ATF6: variants seen among roughly 807,000 people sequenced by gnomAD.
ATF6 encodes the protein cyclic AMP-dependent transcription factor ATF-6 alpha.
ATF6 carries 53 observed loss-of-function variants against 83.6 expected under a neutral mutation model. The ratio of observed to expected loss-of-function variants is 0.63; its 90% CI spans 0.51 to 0.80. The LOEUF (loss-of-function observed/expected upper bound fraction) is 0.80, where lower values mean the gene tolerates loss of function less well. Among genes scored for constraint, ATF6 ranks in the 30% least tolerant of loss-of-function variants. The probability of loss-of-function intolerance (pLI) is 0.00; values close to 1 mark genes in which losing one functional copy is unlikely to be tolerated. For missense variants in ATF6, 744 were observed against 797.9 expected, an observed-to-expected ratio of 0.93 and a Z score of 0.81; for synonymous variants, 288 against 285.8, an observed-to-expected ratio of 1.01 and a Z score of -0.08.
intron 14 of ATF6, among the ~76,000 whole-genome samples, chr1:161,904,041 T>A (rs1426916284): frequency 6.6e-6 from 1 of 152,198 alleles, no homozygotes; most frequent in Non-Finnish European, 1.5e-5. Context: ...AGAACTTCTG[T>A]TTTAGAAGGA....
chr1:161,932,266 T>TAG (rs1688449848), intron 15 of ATF6, among the ~76,000 whole-genome samples: 2 of 152,206 alleles, frequency 1.3e-5, no homozygotes, highest in Admixed American at 1.3e-4. Context: ...ATTGTACTTT[T>TAG]TAAGACAATA....
intron 7 of ATF6, among the ~76,000 whole-genome samples, chr1:161,812,930 G>A (rs1685511090): frequency 6.6e-6 from 1 of 151,946 alleles, no homozygotes; most frequent in African/African-American, 2.4e-5. Flanking sequence ...TTATAATTGA[G>A]TTAGGATTCA....
At chr1:161,938,286 CAAGTA>C (rs777187086) in intron 15 of ATF6, among the ~76,000 whole-genome samples, 2 of 152,156 alleles carry the variant, frequency 1.3e-5, no homozygotes, top group Non-Finnish European at 2.9e-5. Flanking sequence ...TGGCTAGTGT[CAAGTA>C]TAGATTTGCG....
intron 4 of ATF6, among the ~76,000 whole-genome samples, chr1:161,790,559 C>T (rs1684851513): frequency 6.6e-6 from 1 of 152,084 alleles, no homozygotes; most frequent in South Asian, 2.1e-4. Context: ...CCTGTAATCC[C>T]AGCACGTTGG....
intron 15 of ATF6, among the ~76,000 whole-genome samples, chr1:161,928,894 C>T (rs537752130): frequency 6.6e-6 from 1 of 152,276 alleles, no homozygotes; most frequent in Non-Finnish European, 1.5e-5. Context: ...TCTTCCGCCC[C>T]CTATTCTGTG....
At chr1:161,835,478 G>A (rs909880932) in intron 9 of ATF6, among the ~76,000 whole-genome samples, 2 of 152,200 alleles carry the variant, frequency 1.3e-5, no homozygotes, top group Non-Finnish European at 2.9e-5. Context: ...TCTGAAGTAT[G>A]TCTAGGGTTG....
intron 14 of ATF6, among the ~76,000 whole-genome samples, chr1:161,895,517 A>C (rs1687654259): frequency 6.6e-6 from 1 of 152,250 alleles, no homozygotes; most frequent in African/African-American, 2.4e-5. Flanking sequence ...TAACAGATAC[A>C]TCCATTCCCC....
intron 10 of ATF6, among the ~76,000 whole-genome samples, chr1:161,846,856 TATA>T (rs1307525672): frequency 2.6e-5 from 4 of 151,808 alleles, no homozygotes. Context: ...ACATATTATA[TATA>T]ATGTCTTTAA....
intron 14 of ATF6, among the ~76,000 whole-genome samples, chr1:161,887,269 G>A (rs1220702560): frequency 1.3e-5 from 2 of 151,572 alleles, no homozygotes; most frequent in Non-Finnish European, 2.9e-5. Context: ...TAGTAGAGAC[G>A]GGGTTTCACC....
chr1:161,868,837 A>G (rs890942934), intron 14 of ATF6, among the ~76,000 whole-genome samples: 2 of 152,100 alleles, frequency 1.3e-5, no homozygotes, highest in Non-Finnish European at 2.9e-5. Flanking sequence ...TCTAAGCTGT[A>G]GAGCTAAATA....
chr1:161,781,539 C>T (rs1253448091), intron 2 of ATF6, among the ~76,000 whole-genome samples: 1 of 152,120 alleles, frequency 6.6e-6, no homozygotes, highest in East Asian at 1.9e-4. Flanking sequence ...TTATGAATAG[C>T]ATTTACTTTG....
In ATF6 at chr1:161,821,010, C is replaced by T. The variant is rs552323571; in HGVS notation, c.1096-60C>T. 3.7e-5 allele frequency: 43 copies of T among 1,169,906 alleles called. No individual in the cohort carries two copies. In the African/African-American group the frequency reaches 5.5e-4, roughly 15 times the overall value. 72.5% of individuals were successfully genotyped at this position (1,169,906 alleles called of 1,614,324 possible). ...TAAAGAGGAAAATTCTAATCTTAAG[C>T]GTTGCTTTTTCTGAAATCGATGTTA... On this transcript the variant is annotated intron_variant, in intron 8 of 15. Transcript: ENST00000367942.
At position 161,959,758 on chromosome 1, in the gene ATF6, C is replaced by T. The variant is rs1207076701; in HGVS notation, c.*1104C>T. On this transcript the variant is annotated 3_prime_UTR_variant, in exon 16 of 16. Coordinates refer to ENST00000367942, the MANE Select transcript of ATF6 (RefSeq NM_007348.4). ...CCACAACTATTGTTTATTTTGGGGA[C>T]TCTAGGCCACCAAGTATTAGCACAC... is the stretch of plus-strand genomic sequence containing the variant. 6.6e-6 allele frequency: 1 copy of T among 151,274 alleles called. No individual in the cohort carries two copies. The highest frequency in any genetic ancestry group is 1.5e-5 in the Non-Finnish European group (1 of 67,878). 9.4% of individuals were successfully genotyped at this position (151,274 alleles called of 1,614,324 possible). A position where few individuals can be genotyped will look rare whatever the true frequency, so the allele number is the denominator to read the frequency against.
chr1:161,824,107 G>A (rs1037225468), intron 9 of ATF6, among the ~76,000 whole-genome samples: 16 of 151,990 alleles, frequency 1.1e-4, no homozygotes, highest in African/African-American at 3.6e-4. Flanking sequence ...CCATTTTCTC[G>A]CATTTCCTAA....
At chr1:161,816,328 G>A (rs1685612159) in intron 7 of ATF6, among the ~76,000 whole-genome samples, 1 of 152,200 alleles carries the variant, frequency 6.6e-6, no homozygotes, top group Non-Finnish European at 1.5e-5. Context: ...TCAGAGTATT[G>A]ATTTTATGTT....
chr1:161,792,728 C>T (rs1684911960), intron 6 of ATF6, among the ~76,000 whole-genome samples: 1 of 152,204 alleles, frequency 6.6e-6, no homozygotes, highest in South Asian at 2.1e-4. Flanking sequence ...AATAGAATCA[C>T]ACCCTTAATC....
intron 10 of ATF6, among the ~76,000 whole-genome samples, chr1:161,851,233 A>AACACACACACACAC (rs60202873): frequency 1.2e-3 from 92 of 75,482 alleles, no homozygotes; most frequent in East Asian, 4.0e-3. Flanking sequence ...CCCTATCCTT[A>AACACACACACACAC]ACACACACAC....
chr1:161,936,994 C>G lies in ATF6; in HGVS notation c.1805-21452C>G, dbSNP rs55652256. On this transcript the variant is annotated intron_variant, in intron 15 of 15. Transcript: ENST00000367942. ...CCCATATCTAATCCCTCAGCAAACT[C>G]TACTTCACAATGCATCCTGAGTCAT... 3.3e-5 allele frequency among the ~76,000 whole-genome samples: 5 copies of G among 152,214 alleles called. No individual in the cohort carries two copies. The South Asian group carries it at 8.3e-4, about 25-fold the overall frequency.
intron 15 of ATF6, among the ~76,000 whole-genome samples, chr1:161,917,110 C>A (rs552673732): frequency 6.6e-6 from 1 of 152,294 alleles, no homozygotes; most frequent in South Asian, 2.1e-4. Context: ...GTGTAGGAAA[C>A]CTTGAAAGAT....
Sources: gnomAD v4.1 joint callset for allele counts (sites outside exome capture counted in the v4.1 genomes callset) on GRCh38, gnomAD v4.1.1 for gene constraint, MANE v1.5 for transcripts, NCBI Gene and HGNC (gene_info 2026-07-23, HGNC 2026-07-21) for gene names.